The following CWF19L1 variants were observed in gnomAD, a reference collection of about 807,000 sequenced individuals.
The protein encoded by CWF19L1 is CWF19 like cell cycle control factor 1.
In CWF19L1, 60 loss-of-function variants were observed where a neutral mutation model predicts 69.7. That is an observed-to-expected ratio of 0.86 (90% confidence interval 0.70 to 1.07). The LOEUF (loss-of-function observed/expected upper bound fraction) is 1.07. Among genes scored for constraint, CWF19L1 ranks in the 50% least tolerant of loss-of-function variants. The pLI is 0.00. For missense variants in CWF19L1, 591 were observed against 638.9 expected (o/e 0.92, Z 0.81); for synonymous variants, 209 against 222.2 (o/e 0.94, Z 0.53).
At chr10:100,266,560 G>A (rs1484651258) in intron 1 of CWF19L1, among the ~76,000 whole-genome samples, 1 of 151,388 alleles carries the variant, frequency 6.6e-6, no homozygotes, top group Non-Finnish European at 1.5e-5. Flanking sequence ...TGTTACCTAG[G>A]CTGGAGTGCA....
intron 7 of CWF19L1, 66 bp from the exon 8 acceptor site, chr10:100,247,001 T>C: frequency 7.1e-7 from 1 of 1,400,814 alleles, no homozygotes; most frequent in Non-Finnish European, 9.7e-7. Flanking sequence ...ATCAACCTAT[T>C]TTACTGTGAA....
At chr10:100,247,084 T>A in intron 7 of CWF19L1, 149 bp from the exon 8 acceptor site, 1 of 674,950 alleles carries the variant, frequency 1.5e-6, no homozygotes, top group Non-Finnish European at 2.3e-6. Context: ...GCTCAGAGAG[T>A]AAACAGTAAA....
At chr10:100,233,608 T>G (rs949114683) in intron 13 of CWF19L1, among the ~76,000 whole-genome samples, 1 of 152,158 alleles carries the variant, frequency 6.6e-6, no homozygotes, top group South Asian at 2.1e-4. Flanking sequence ...GGAACTATAT[T>G]ATTGGTACTT....
chr10:100,235,609 C>A, intron 13 of CWF19L1, 58 bp downstream of exon 13: 1 of 1,221,664 alleles, frequency 8.2e-7, no homozygotes, highest in East Asian at 2.3e-5. Flanking sequence ...CCCATGTAGC[C>A]CACCACTCTG....
intron 11 of CWF19L1, chr10:100,237,353 T>G: frequency 4.5e-6 from 2 of 439,560 alleles, no homozygotes; most frequent in Non-Finnish European, 9.0e-6. Context: ...ATGCAGGCTT[T>G]GAGACTATTT....
At chr10:100,248,857 GA>G in intron 7 of CWF19L1, 2 of 1,123,960 alleles carry the variant, frequency 1.8e-6, no homozygotes. Flanking sequence ...ATTTGTGGCA[GA>G]AAAGGCTGAG....
Position 100,265,070 on chromosome 10 carries a change from G to A in CWF19L1, c.23+2501C>T, listed in dbSNP as rs1197267499. Among the ~76,000 whole-genome samples, 11 of 151,230 alleles carry A rather than the reference G, an allele frequency of 7.3e-5. No homozygotes were observed. The East Asian group carries it at 1.4e-3, about 19-fold the overall frequency. On this transcript the variant is annotated intron_variant, in intron 1 of 13. Coordinates refer to ENST00000354105, the MANE Select transcript of CWF19L1 (RefSeq NM_018294.6). ...CAGGAGGTTGAGGTTGCAGTGAGCCGTGATTGCACAATTGCACTCCAGCCT... is the reference window on the plus strand; with the variant it reads ...CAGGAGGTTGAGGTTGCAGTGAGCCATGATTGCACAATTGCACTCCAGCCT...
intron 6 of CWF19L1, among the ~76,000 whole-genome samples, chr10:100,251,245 C>T (rs1416128684): frequency 2.0e-5 from 3 of 152,088 alleles, no homozygotes; most frequent in African/African-American, 2.4e-5. Context: ...ATAAAATTGC[C>T]GTTACCATGC....
chr10:100,266,179 C>A (rs140302305), intron 1 of CWF19L1, among the ~76,000 whole-genome samples: 1 of 147,318 alleles, frequency 6.8e-6, no homozygotes, highest in Non-Finnish European at 1.5e-5. Flanking sequence ...CAAAAGTTAC[C>A]ACTATTGCAA....
chr10:100,246,889 G>A lies in CWF19L1; in HGVS notation c.755C>T (p.Ala252Val). Residue 252 changes from alanine to valine, a missense_variant, in exon 8 of 14, where the codon GCA becomes GTA. Transcript: ENST00000354105. ...ATCCGGAGGCTGTTTTACCAGTTCT[G>A]CTGCATCCATTAGCTTCATGGGAAC... is the stretch of plus-strand genomic sequence containing the variant. ...SIVPMKLMDAAELVKQPPDVT... is the reference protein window; with the variant it reads ...SIVPMKLMDAVELVKQPPDVT... 6.2e-7 allele frequency: 1 copy of A among 1,613,724 alleles called. No homozygotes were observed. The highest frequency in any genetic ancestry group is 8.5e-7 in the Non-Finnish European group (1 of 1,179,678).
At chr10:100,267,143 CTCG>C (rs1847623095) in intron 1 of CWF19L1, among the ~76,000 whole-genome samples, 5 of 119,226 alleles carry the variant, frequency 4.2e-5, no homozygotes, top group Middle Eastern at 3.7e-3. Flanking sequence ...ACCCCTCCTC[CTCG>C]CAAAAAAAAA....
intron 2 of CWF19L1, among the ~76,000 whole-genome samples, chr10:100,261,493 T>TTTAAAG (rs1177746050): frequency 1.3e-5 from 2 of 152,250 alleles, no homozygotes; most frequent in African/African-American, 4.8e-5. Context: ...TCCTGCCTGT[T>TTTAAAG]GTCTTTACCC....
At chr10:100,252,944 T>C (rs1403515398) in intron 6 of CWF19L1, among the ~76,000 whole-genome samples, 1 of 152,214 alleles carries the variant, frequency 6.6e-6, no homozygotes, top group African/African-American at 2.4e-5. Flanking sequence ...TGTTTTGAAA[T>C]GTGTATATAC....
intron 7 of CWF19L1, among the ~76,000 whole-genome samples, chr10:100,249,466 T>G (rs907991817): frequency 7.2e-6 from 1 of 138,538 alleles, no homozygotes; most frequent in Non-Finnish European, 1.5e-5. Context: ...CCTATTTTTC[T>G]GGTATATTCT....
At chr10:100,257,659 T>C (rs1174269694) in intron 4 of CWF19L1, among the ~76,000 whole-genome samples, 1 of 152,014 alleles carries the variant, frequency 6.6e-6, no homozygotes, top group East Asian at 1.9e-4. Flanking sequence ...CTCTTAAAGG[T>C]CACCCTATAT....
At position 100,240,522 on chromosome 10, in the gene CWF19L1, A is replaced by G. The variant is rs116492881; in HGVS notation, c.1045-2291T>C. On this transcript the variant is annotated intron_variant, in intron 10 of 13. Transcript: ENST00000354105. The stretch of plus-strand genomic sequence containing the variant: ...ACTTGGGATGTTGGGTTGGGCCACA[A>G]ACAAGACCTTTTTCCCCTCTAGTTT... Among the ~76,000 whole-genome samples the G allele has an allele frequency of 1.1e-3, 162 of 152,302 alleles. 1 individual carries two copies. The highest frequency in any genetic ancestry group is 3.8e-3 in the African/African-American group (156 of 41,554).
intron 1 of CWF19L1, chr10:100,262,458 ACTC>A (rs1291592659): frequency 1.0e-6 from 1 of 984,978 alleles, no homozygotes; most frequent in East Asian, 1.1e-4. Flanking sequence ...TCTTAGTACG[ACTC>A]CTCCTATCTT....
chr10:100,238,290 G>C, intron 10 of CWF19L1, 59 bp from the exon 11 acceptor site: 1 of 1,518,190 alleles, frequency 6.6e-7, no homozygotes, highest in Non-Finnish European at 9.1e-7. Context: ...TCTCCAGGGA[G>C]AAAAACCTAT....
chr10:100,261,864 G>T, intron 2 of CWF19L1, 115 bp downstream of exon 2: 2 of 822,416 alleles, frequency 2.4e-6, no homozygotes, highest in South Asian at 1.9e-5. Context: ...CTCATGAAGG[G>T]AACTCAATTT....
Sources: allele counts gnomAD v4.1 joint callset (sites outside exome capture counted in the v4.1 genomes callset), GRCh38; gene constraint gnomAD v4.1.1; transcripts MANE v1.5; gene names NCBI Gene and HGNC (gene_info 2026-07-23, HGNC 2026-07-21).